Variants in FMN1 observed in about 807,000 individuals in gnomAD.
The protein encoded by FMN1 is formin-1.
Under a neutral mutation model 132.4 loss-of-function variants are expected in FMN1, and 110 were observed. The observed-to-expected ratio is 0.83, with a 90% CI of 0.71 to 0.97. FMN1 has a LOEUF of 0.97. FMN1 is among the 50% of genes least tolerant of loss of function. The pLI is 0.00. For missense variants in FMN1, 1,792 were observed against 1,705.3 expected, an observed-to-expected ratio of 1.05 and a Z score of -0.90; for synonymous variants, 722 against 651.7, an observed-to-expected ratio of 1.11 and a Z score of -1.64.
chr15:33,028,848 C>G (rs575566073), intron 6 of FMN1, among the ~76,000 whole-genome samples: 1 of 152,180 alleles, frequency 6.6e-6, no homozygotes, highest in Non-Finnish European at 1.5e-5. Context: ...CAAAATACTT[C>G]TTAAGTTTCT....
intron 6 of FMN1, among the ~76,000 whole-genome samples, chr15:33,021,338 T>C (rs1862029267): frequency 6.8e-6 from 1 of 146,954 alleles, no homozygotes; most frequent in Admixed American, 6.7e-5. Context: ...AGCTGATGAA[T>C]ACACTTGGTA....
At chr15:32,892,519 C>T (rs1331278626) in intron 15 of FMN1, among the ~76,000 whole-genome samples, 1 of 152,084 alleles carries the variant, frequency 6.6e-6, no homozygotes, top group Non-Finnish European at 1.5e-5. Flanking sequence ...CTGTAGTTTT[C>T]GTTTTTGGTT....
At chr15:33,105,080 ATCTC>A (rs555910755) in intron 4 of FMN1, among the ~76,000 whole-genome samples, 3 of 152,026 alleles carry the variant, frequency 2.0e-5, no homozygotes, top group African/African-American at 7.2e-5. Flanking sequence ...GTCTGACACA[ATCTC>A]TCTCACTGTC....
intron 15 of FMN1, among the ~76,000 whole-genome samples, chr15:32,897,079 T>C (rs1439084898): frequency 6.6e-6 from 1 of 152,208 alleles, no homozygotes; most frequent in African/African-American, 2.4e-5. Context: ...CACTTGCTAT[T>C]TTCCATGTGG....
intron 17 of FMN1, among the ~76,000 whole-genome samples, chr15:32,823,478 T>A (rs1454598121): frequency 6.6e-6 from 1 of 152,086 alleles, no homozygotes; most frequent in East Asian, 1.9e-4. Flanking sequence ...GTTTCTATCG[T>A]TATTGCCTAC....
chr15:32,986,827 A>G (rs754181578), intron 7 of FMN1, among the ~76,000 whole-genome samples: 2 of 152,146 alleles, frequency 1.3e-5, no homozygotes, highest in East Asian at 3.8e-4. Context: ...CTTTTGATTG[A>G]TATTCATCTC....
At chr15:32,873,324 A>G (rs968064762) in intron 16 of FMN1, among the ~76,000 whole-genome samples, 4 of 152,232 alleles carry the variant, frequency 2.6e-5, no homozygotes, top group East Asian at 3.8e-4. Context: ...TGAATATCAG[A>G]AACAGTTTAG....
chr15:32,933,796 A>C (rs1255044330), intron 9 of FMN1, among the ~76,000 whole-genome samples: 1 of 152,124 alleles, frequency 6.6e-6, no homozygotes, highest in African/African-American at 2.4e-5. Context: ...AGTTTAGCTA[A>C]GGATGTCAGT....
At chr15:32,988,049 G>GTTTT (rs10573409) in intron 7 of FMN1, among the ~76,000 whole-genome samples, 2,240 of 118,134 alleles carry the variant, frequency 0.019, 55 homozygotes, top group Middle Eastern at 0.055. Context: ...TGTCTCTCCA[G>GTTTT]TTTTTTTTTT....
chr15:32,975,264 A>G (rs1484763748), intron 7 of FMN1, among the ~76,000 whole-genome samples: 2 of 152,172 alleles, frequency 1.3e-5, no homozygotes, highest in Non-Finnish European at 2.9e-5. Flanking sequence ...TGCAAATCTA[A>G]AAACTCCAGG....
Position 33,116,975 on chromosome 15 carries a change from C to A in FMN1, c.1868-28001G>T, listed in dbSNP as rs1173471703. On this transcript the variant is annotated intron_variant, in intron 4 of 20. Coordinates refer to ENST00000616417, the MANE Select transcript of FMN1 (RefSeq NM_001277313.2). ...TATTGTTTCCACCAATACAACACTA[C>A]CACTATTCCTATCATTACCACAACC... Among the ~76,000 whole-genome samples the A allele has an allele frequency of 3.9e-5, 6 of 152,288 alleles. No individual in the cohort carries two copies. In the South Asian group the frequency reaches 1.2e-3, roughly 32 times the overall value.
At chr15:32,840,671 G>A (rs2058726758) in intron 17 of FMN1, among the ~76,000 whole-genome samples, 1 of 152,184 alleles carries the variant, frequency 6.6e-6, no homozygotes, top group South Asian at 2.1e-4. Context: ...GTGTGGGTGG[G>A]AGGCAGTCCT....
At chr15:33,084,911 G>A (rs1180530974) in intron 5 of FMN1, among the ~76,000 whole-genome samples, 3 of 152,192 alleles carry the variant, frequency 2.0e-5, no homozygotes, top group Non-Finnish European at 4.4e-5. Context: ...GAGAGTCAGT[G>A]TAGCCACAGA....
chr15:32,845,026 C>T (rs143311961), intron 17 of FMN1, among the ~76,000 whole-genome samples: 28 of 152,268 alleles, frequency 1.8e-4, no homozygotes, highest in South Asian at 1.4e-3. Flanking sequence ...ACATTGTCTG[C>T]GAAACTATGT....
At chr15:33,056,555 T>G (rs1263780896) in intron 6 of FMN1, among the ~76,000 whole-genome samples, 1 of 152,032 alleles carries the variant, frequency 6.6e-6, no homozygotes, top group African/African-American at 2.4e-5. Context: ...GCCACAAGAG[T>G]AGGCTACAGT....
chr15:32,928,810 T>C (rs1167487512), intron 9 of FMN1, among the ~76,000 whole-genome samples: 1 of 152,206 alleles, frequency 6.6e-6, no homozygotes, highest in East Asian at 1.9e-4. Context: ...GCTATCCAGT[T>C]AGGGCTCTGA....
chr15:33,186,082 A>G (rs138860901), intron 2 of FMN1, among the ~76,000 whole-genome samples: 1 of 151,672 alleles, frequency 6.6e-6, no homozygotes, highest in East Asian at 2.0e-4. Context: ...ACCTTTGTGA[A>G]TGGTTCTCCA....
intron 17 of FMN1, among the ~76,000 whole-genome samples, chr15:32,848,850 G>A (rs1010444223): frequency 3.3e-5 from 5 of 152,102 alleles, no homozygotes; most frequent in African/African-American, 1.2e-4. Context: ...GAACCTGTTT[G>A]ATTAGTTTTA....
At chr15:33,040,823 A>C (rs1280166547) in intron 6 of FMN1, among the ~76,000 whole-genome samples, 4 of 152,224 alleles carry the variant, frequency 2.6e-5, no homozygotes, top group African/African-American at 7.2e-5. Flanking sequence ...CTTCACATTA[A>C]AATAACTTCA....
Sources: allele counts gnomAD v4.1 joint callset (sites outside exome capture counted in the v4.1 genomes callset), GRCh38; gene constraint gnomAD v4.1.1; transcripts MANE v1.5; gene names NCBI Gene and HGNC (gene_info 2026-07-23, HGNC 2026-07-21).